FHIP1B: variants seen among roughly 807,000 people sequenced by gnomAD.
The protein encoded by FHIP1B is FHF complex subunit HOOK interacting protein 1B.
In FHIP1B, 28 loss-of-function variants were observed where a neutral mutation model predicts 82.2. That is an observed-to-expected ratio of 0.34 (90% CI 0.25 to 0.47). FHIP1B has a LOEUF of 0.47. Among genes scored for constraint, FHIP1B ranks in the 20% least tolerant of loss-of-function variants. The pLI is 1.00. For missense variants in FHIP1B, 1,110 were observed against 1,262.6 expected (o/e 0.88, Z 1.83); for synonymous variants, 585 against 516.1 (o/e 1.13, Z -1.81).
At chr11:6,227,633 A>G (rs1312265732) in intron 1 of FHIP1B, among the ~76,000 whole-genome samples, 1 of 152,234 alleles carries the variant, frequency 6.6e-6, no homozygotes, top group Non-Finnish European at 1.5e-5. Flanking sequence ...GATAATGAAT[A>G]AAATCAAGAC....
rs964365269 is a variant in FHIP1B, at chr11:6,223,480, C to T, written c.777+130G>A. On this transcript the variant is annotated intron_variant, in intron 3 of 11. Coordinates refer to ENST00000449352, the MANE Select transcript of FHIP1B (RefSeq NM_001098794.2). The surrounding 1 kb of genome is among the most constrained non-coding windows in gnomAD (Gnocchi z 4.8). The stretch of plus-strand genomic sequence containing the variant: ...TCCCCACTACAACTCCAGGGGGCTG[C>T]TTTCAAATCCAGGAACTGTTTCCTA... 7.9e-6 allele frequency: 10 copies of T among 1,266,320 alleles called. No homozygotes were observed. The highest frequency in any genetic ancestry group is 4.4e-5 in the South Asian group (3 of 68,322). 78.4% of individuals were successfully genotyped at this position (1,266,320 alleles called of 1,614,324 possible).
intron 9 of FHIP1B, chr11:6,216,443 T>C (rs17817285): frequency 0.037 from 5,721 of 152,850 alleles, 116 homozygotes; most frequent in Non-Finnish European, 0.046. Flanking sequence ...AAATGATTTA[T>C]ATGCATCTAT....
intron 11 of FHIP1B, among the ~76,000 whole-genome samples, chr11:6,212,998 TAACTC>T (rs1847115180): frequency 6.6e-6 from 1 of 152,178 alleles, no homozygotes; most frequent in South Asian, 2.1e-4. Context: ...TTACTTCCCT[TAACTC>T]AACATACTTA....
At chr11:6,226,115 TCCAGAGACCTGGCA>T (rs1439016166) in intron 1 of FHIP1B, among the ~76,000 whole-genome samples, 1 of 152,196 alleles carries the variant, frequency 6.6e-6, no homozygotes, top group Non-Finnish European at 1.5e-5. Context: ...GCCGAAGGAA[TCCAGAGACCTGGCA>T]CCAGCCCCAC....
At chr11:6,219,465 T>C (rs887262179) in intron 6 of FHIP1B, among the ~76,000 whole-genome samples, 1 of 152,156 alleles carries the variant, frequency 6.6e-6, no homozygotes, top group Non-Finnish European at 1.5e-5. Flanking sequence ...AGCAATACAG[T>C]AACTGAATGC....
chr11:6,213,754 C>T (rs542441788), intron 11 of FHIP1B, among the ~76,000 whole-genome samples: 3 of 152,276 alleles, frequency 2.0e-5, no homozygotes, highest in East Asian at 1.9e-4. Flanking sequence ...TTCCCTTCCA[C>T]GTCCACTATT....
intron 7 of FHIP1B, 59 bp downstream of exon 7, chr11:6,218,912 A>G: frequency 6.3e-7 from 1 of 1,590,482 alleles, no homozygotes; most frequent in Non-Finnish European, 8.6e-7. Flanking sequence ...TGCCCCAGCA[A>G]TGCATAAGAC....
rs1416740632 is a variant in FHIP1B at position 6,211,584 on chromosome 11, G to A, written c.2841C>T (p.Val947=). The A allele has an allele frequency of 6.2e-7, 1 of 1,614,202 alleles. No individual in the cohort carries two copies. The highest frequency in any genetic ancestry group is 1.1e-5 in the South Asian group (1 of 91,074). ...AAGTCTCCAACAAGAAAGGCGAGGTGACGGCATGAGCCTGGGAGATGGCAG... is the reference window on the plus strand; with the variant it reads ...AAGTCTCCAACAAGAAAGGCGAGGTAACGGCATGAGCCTGGGAGATGGCAG... ...ELAAISQAHA[V]TSPFLLETSE... The change falls in exon 12 of 12, where the codon GTC becomes GTT. Residue 947 remains valine, a synonymous_variant. Coordinates refer to ENST00000449352, the MANE Select transcript of FHIP1B (RefSeq NM_001098794.2).
At position 6,218,014 on chromosome 11, in the gene FHIP1B, T is replaced by C. The variant is rs772738564; in HGVS notation, c.1572A>G (p.Pro524=). The C allele has an allele frequency of 3.8e-5, 61 of 1,613,386 alleles. No homozygotes were observed. Among genetic ancestry groups the C allele is most frequent in the Non-Finnish European group, 5.0e-5 (59 of 1,179,824 alleles). ...SESPGPAPCS[P]GLSASPASSP... is the part of the protein sequence containing the mutation. ...TGGAGGCGGGGGATGCAGAAAGCCC[T>C]GGTGAGCAAGGGGCTGGGCCTGGAG... Residue 524 remains proline (P), a synonymous_variant, in exon 9 of 12, where the codon CCA becomes CCG. Coordinates refer to ENST00000449352, the MANE Select transcript of FHIP1B (RefSeq NM_001098794.2).
Position 6,217,406 on chromosome 11 carries a change from C to T in FHIP1B, c.2180G>A (p.Arg727Gln), listed in dbSNP as rs148057736. The stretch of plus-strand genomic sequence containing the variant: ...CTGGCTTGGCAGCTGGTTGAGAGTC[C>T]GCAAAGGGCTGCTGAGGAAGGGGCC... ...PPGPFLSSPL[R>Q]TLNQLPSQPF... The change falls in exon 9 of 12, where the codon CGG (arginine) becomes CAG (glutamine). Residue 727 changes from arginine (R) to glutamine (Q), a missense_variant. Around this residue, in one of 6 missense-constraint regions of FHIP1B, gnomAD observed 418 missense variants for 371.4 expected, o/e 1.13. Coordinates refer to ENST00000449352, the MANE Select transcript of FHIP1B (RefSeq NM_001098794.2). The T allele has an allele frequency of 1.4e-4, 223 of 1,613,946 alleles. 1 individual carries two copies. Among genetic ancestry groups the T allele is most frequent in the Middle Eastern group, 9.9e-4 (6 of 6,084 alleles).
At chr11:6,220,125 C>G (rs1449023719) in intron 6 of FHIP1B, among the ~76,000 whole-genome samples, 1 of 152,018 alleles carries the variant, frequency 6.6e-6, no homozygotes, top group African/African-American at 2.4e-5. Flanking sequence ...TGTGAGTATC[C>G]TAGATGAGAT....
At chr11:6,212,915 T>C (rs1847112943) in intron 11 of FHIP1B, among the ~76,000 whole-genome samples, 1 of 152,198 alleles carries the variant, frequency 6.6e-6, no homozygotes, top group Non-Finnish European at 1.5e-5. Context: ...TTTTTCATCA[T>C]TCTACGTGAA....
intron 7 of FHIP1B, 87 bp from the exon 8 acceptor site, chr11:6,218,850 G>A: frequency 6.4e-7 from 1 of 1,567,658 alleles, no homozygotes; most frequent in South Asian, 1.1e-5. Flanking sequence ...GAAACTGCAT[G>A]GTTAAGCCAG....
Position 6,211,705 on chromosome 11 carries a change from G to A in FHIP1B, c.2720C>T (p.Thr907Ile). The change falls in exon 12 of 12, where the codon ACC becomes ATC. Residue 907 changes from threonine (T) to isoleucine (I), a missense_variant. Physicochemically the swap from Thr to Ile is moderately conservative, Grantham distance 89 (BLOSUM62 -1). Transcript: ENST00000449352. ...SPGASTPVLL[T>I]RGGAPERQGE... is the part of the protein sequence containing the mutation. ...TTGGCGTTCAGGGGCCCCGCCCCGGGTGAGTAGAACTGGAGTTGAAGCCCC... is the reference window on the plus strand; with the variant it reads ...TTGGCGTTCAGGGGCCCCGCCCCGGATGAGTAGAACTGGAGTTGAAGCCCC... 2.5e-6 allele frequency: 4 copies of A among 1,614,236 alleles called. No individual in the cohort carries two copies. In the South Asian group the frequency reaches 3.3e-5, roughly 13 times the overall value.
chr11:6,211,843 C>A lies in FHIP1B; in HGVS notation c.2582G>T (p.Gly861Val), dbSNP rs1252697915. The change falls in exon 12 of 12, where the codon GGG becomes GTG. Residue 861 changes from glycine (G) to valine (V), a missense_variant. Gly to Val is a moderately radical substitution (Grantham distance 109, BLOSUM62 -3). This residue lies in a region of FHIP1B where 147 missense variants were observed against 154.0 expected (regional missense o/e 0.95). Transcript: ENST00000449352. Reference protein sequence around the residue: ...PLVKSRRPSLGELLLRHAHSP... With the variant: ...PLVKSRRPSLVELLLRHAHSP... Reference sequence around the variant, plus strand: ...GTGTGCATGCCGCAGGAGTAACTCCCCCAAGGATGGCCTCCGGCTCTTCAC... The same window carrying A: ...GTGTGCATGCCGCAGGAGTAACTCCACCAAGGATGGCCTCCGGCTCTTCAC... 1 of 1,583,522 alleles carries A rather than the reference C, an allele frequency of 6.3e-7. No homozygotes were observed. Among genetic ancestry groups the A allele is most frequent in the South Asian group, 1.2e-5 (1 of 86,210 alleles).
chr11:6,226,301 T>G (rs755818062), intron 1 of FHIP1B, among the ~76,000 whole-genome samples: 5 of 152,220 alleles, frequency 3.3e-5, no homozygotes, highest in Non-Finnish European at 7.3e-5. Flanking sequence ...AAAGAGCAGG[T>G]AGGGCTTACT....
chr11:6,218,643 G>A lies in FHIP1B; in HGVS notation c.1392C>T (p.His464=), dbSNP rs754810687. 1.7e-5 allele frequency: 27 copies of A among 1,614,048 alleles called. No homozygotes were observed. Among genetic ancestry groups the A allele is most frequent in the Middle Eastern group, 1.6e-4 (1 of 6,084 alleles). ...LSLIPRCCRH[H]APSPPRPEHA... ...GCTCTGGACGAGGTGGGCTGGGGGC[G>A]TGGTGCCGACAACAGCGTGGGATTA... Residue 464 remains histidine (H), a synonymous_variant, in exon 8 of 12, where the codon CAC becomes CAT. Transcript: ENST00000449352.
rs1447064880 is a variant in FHIP1B at position 6,224,690 on chromosome 11, C to T, written c.-174G>A. The T allele has an allele frequency of 4.9e-6, 3 of 612,978 alleles. No homozygotes were observed. In the African/African-American group the frequency reaches 5.6e-5, roughly 11 times the overall value. 38.0% of individuals were successfully genotyped at this position (612,978 alleles called of 1,614,324 possible). ...AATGGCAAGCCCAGAGGTCACTGGC[C>T]AGTCCAGATTTCTAAATCTAATTCA... On this transcript the variant is annotated 5_prime_UTR_variant, in exon 2 of 12. Transcript: ENST00000449352.
intron 11 of FHIP1B, among the ~76,000 whole-genome samples, chr11:6,213,018 A>G (rs1847116043): frequency 6.6e-6 from 1 of 152,102 alleles, no homozygotes; most frequent in Admixed American, 6.6e-5. Flanking sequence ...TACTTAATTT[A>G]TTTCTATGTC....
Sources: allele counts gnomAD v4.1 joint callset (sites outside exome capture counted in the v4.1 genomes callset), GRCh38; gene constraint gnomAD v4.1.1; regional missense constraint gnomAD v4.1.1; non-coding constraint Gnocchi (gnomAD v3.1); transcripts MANE v1.5; gene names NCBI Gene and HGNC (gene_info 2026-07-23, HGNC 2026-07-21).